CDK12: variants seen among roughly 807,000 people sequenced by gnomAD.
CDK12 encodes the protein cyclin dependent kinase 12, also known as cyclin-dependent kinase 12.
Under a neutral mutation model 133.8 loss-of-function variants are expected in CDK12, and 17 were observed. The ratio of observed to expected loss-of-function variants is 0.13; its 90% CI spans 0.09 to 0.19. CDK12 has a LOEUF of 0.19. Ranked by LOEUF, CDK12 falls within the 10% of genes least tolerant of loss-of-function variation. The pLI is 1.00. For synonymous variants in CDK12, 694 were observed against 683.6 expected, an observed-to-expected ratio of 1.02 and a Z score of -0.24; for missense variants, 1,508 against 1,818.7, an observed-to-expected ratio of 0.83 and a Z score of 3.11.
intron 2 of CDK12, among the ~76,000 whole-genome samples, chr17:39,554,137 C>G (rs1197473876): frequency 6.6e-6 from 1 of 152,148 alleles, no homozygotes; most frequent in African/African-American, 2.4e-5. Flanking sequence ...AGAGGGGTTT[C>G]TAGGCAAACA....
chr17:39,536,047 A>G (rs2055120171), downstream of CDK12, among the ~76,000 whole-genome samples: 1 of 152,136 alleles, frequency 6.6e-6, no homozygotes, highest in Non-Finnish European at 1.5e-5. Flanking sequence ...GAACACCTCC[A>G]GTGTTCCTAA....
chr17:39,481,102 A>G (rs1166021279), intron 2 of CDK12, among the ~76,000 whole-genome samples: 1 of 151,900 alleles, frequency 6.6e-6, no homozygotes, highest in Non-Finnish European at 1.5e-5. Flanking sequence ...AAAAGTACAA[A>G]ATAAGCAGGG....
In CDK12 at chr17:39,490,624, A is replaced by C; in HGVS notation, c.1999A>C (p.Thr667Pro). The change falls in exon 3 of 14, where the codon ACA (threonine) becomes CCA (proline). Residue 667 changes from threonine (T) to proline (P), a missense_variant. Around this residue, in one of 9 missense-constraint regions of CDK12, gnomAD observed 347 missense variants for 330.8 expected, o/e 1.05. Transcript: ENST00000447079. ...GGAACAGAGGACACGTCACTTACTC[A>C]CAGACCTTCCTCTCCCTCCAGAGCT... ...EKEQRTRHLL[T>P]DLPLPPELPG... 1 of 1,613,720 alleles carries C rather than the reference A, an allele frequency of 6.2e-7. No homozygotes were observed. Among genetic ancestry groups the C allele is most frequent in the Non-Finnish European group, 8.5e-7 (1 of 1,179,720 alleles).
chr17:39,479,029 C>T (rs1007750116), intron 2 of CDK12, among the ~76,000 whole-genome samples: 1 of 151,966 alleles, frequency 6.6e-6, no homozygotes, highest in Non-Finnish European at 1.5e-5. Context: ...AATCTAATGG[C>T]CGGGTGCGGT....
At chr17:39,485,491 A>G (rs2051050464) in intron 2 of CDK12, among the ~76,000 whole-genome samples, 1 of 146,688 alleles carries the variant, frequency 6.8e-6, no homozygotes, top group Non-Finnish European at 1.5e-5. Flanking sequence ...TCAGCTCACT[A>G]ATCTCCACCT....
At chr17:39,480,788 A>G (rs111930265) in intron 2 of CDK12, among the ~76,000 whole-genome samples, 3 of 152,240 alleles carry the variant, frequency 2.0e-5, no homozygotes, top group African/African-American at 7.2e-5. Context: ...TATCAAATGC[A>G]AGAGTGAATT....
intron 2 of CDK12, among the ~76,000 whole-genome samples, chr17:39,475,570 C>T (rs549428386): frequency 6.8e-4 from 96 of 141,812 alleles, no homozygotes; most frequent in Admixed American, 1.4e-3. Flanking sequence ...TTTTTTGAGA[C>T]GGTGTCTCAC....
chr17:39,490,798 C>T (rs929760197), intron 3 of CDK12, 65 bp downstream of exon 3: 1 of 1,249,482 alleles, frequency 8.0e-7, no homozygotes, highest in Non-Finnish European at 1.1e-6. Context: ...CTAAATCTCT[C>T]ATGTTTCTTC....
intron 2 of CDK12, among the ~76,000 whole-genome samples, chr17:39,473,760 C>T (rs983363436): frequency 6.6e-6 from 1 of 152,026 alleles, no homozygotes; most frequent in Non-Finnish European, 1.5e-5. Context: ...TGGCGGTTGC[C>T]TATAGTCCCA....
chr17:39,514,192 G>A (rs1490198573), intron 8 of CDK12, among the ~76,000 whole-genome samples: 1 of 152,002 alleles, frequency 6.6e-6, no homozygotes, highest in African/African-American at 2.4e-5. Context: ...CACTGAGCCT[G>A]GCCTAAATTT....
At chr17:39,544,138 A>G, upstream of CDK12, 2 of 465,370 alleles carry the variant, frequency 4.3e-6, no homozygotes, top group South Asian at 3.1e-5. Flanking sequence ...TGCTAACATC[A>G]CCGTCACTGT....
rs1166750395 is a variant in CDK12, at chr17:39,533,273, G to C, written c.*1957G>C. On this transcript the variant is annotated 3_prime_UTR_variant, in exon 14 of 14. Transcript: ENST00000447079. The stretch of plus-strand genomic sequence containing the variant: ...GCCTTCTAGCTATTTTGGCATTGAT[G>C]GCTTTTTATACCAGTGTGTCCAGTT... The C allele has an allele frequency of 4.3e-6, 1 of 232,924 alleles. No homozygotes were observed. Among genetic ancestry groups the C allele is most frequent in the African/African-American group, 2.2e-5 (1 of 45,318 alleles). The allele number at this position is 232,924 out of a possible 1,614,324, so 14.4% of individuals were successfully genotyped here.
intron 13 of CDK12, 59 bp from the exon 14 acceptor site, chr17:39,530,543 TTG>T: frequency 6.6e-7 from 1 of 1,515,988 alleles, no homozygotes; most frequent in Non-Finnish European, 8.8e-7. Flanking sequence ...GTGTGTGTGT[TTG>T]TGTTTATAAT....
intron 11 of CDK12, among the ~76,000 whole-genome samples, chr17:39,521,151 T>C (rs879258301): frequency 6.6e-6 from 1 of 151,788 alleles, no homozygotes; most frequent in Non-Finnish European, 1.5e-5. Flanking sequence ...GGCCATTTTT[T>C]TGTATTTTTA....
At chr17:39,464,800 A>C (rs34257685) in intron 1 of CDK12, among the ~76,000 whole-genome samples, 91,531 of 151,282 alleles carry the variant, frequency 0.61, 31,363 homozygotes, top group South Asian at 0.88. Context: ...AAAAAAAAAA[A>C]AATTAGCTGG....
chr17:39,543,005 T>A (rs2055502635), upstream of CDK12, among the ~76,000 whole-genome samples: 1 of 152,168 alleles, frequency 6.6e-6, no homozygotes, highest in Non-Finnish European at 1.5e-5. Flanking sequence ...AGAGGCAATG[T>A]GAGGAATTCA....
At chr17:39,495,384 G>GTTT (rs60185847) in intron 5 of CDK12, among the ~76,000 whole-genome samples, 10 of 110,678 alleles carry the variant, frequency 9.0e-5, no homozygotes, top group Non-Finnish European at 1.6e-4. Context: ...GGCCTCATGT[G>GTTT]TTTTTTTTTT....
In CDK12 at chr17:39,462,585, A is replaced by T. The variant is rs1019981847; in HGVS notation, c.514A>T (p.Lys172Ter). The change falls in exon 1 of 14, where the codon AAG becomes TAG. Residue 172 changes from lysine (K) to a stop codon, truncating the protein, a stop_gained. Transcript: ENST00000447079. LOFTEE classifies it high-confidence loss of function. The part of the protein sequence containing the change: ...GKAQVAKSSS[K>*]ESRSSKLHKE... ...GGCGCAGGTAGCCAAAAGCAGCAGCAAGGAATCCAGGTCATCCAAGCTCCA... is the reference window on the plus strand; with the variant it reads ...GGCGCAGGTAGCCAAAAGCAGCAGCTAGGAATCCAGGTCATCCAAGCTCCA... 1 of 1,614,076 alleles carries T rather than the reference A, an allele frequency of 6.2e-7. No individual in the cohort carries two copies. Among genetic ancestry groups the T allele is most frequent in the Admixed American group, 1.7e-5 (1 of 59,988 alleles).
At chr17:39,552,486 T>C (rs2055992905) in intron 2 of CDK12, among the ~76,000 whole-genome samples, 1 of 152,232 alleles carries the variant, frequency 6.6e-6, no homozygotes, top group African/African-American at 2.4e-5. Context: ...AGAGCTGCTG[T>C]TTCTACTCTG....
Sources: allele counts gnomAD v4.1 joint callset (sites outside exome capture counted in the v4.1 genomes callset), GRCh38; gene constraint gnomAD v4.1.1; regional missense constraint gnomAD v4.1.1; transcripts MANE v1.5; gene names NCBI Gene and HGNC (gene_info 2026-07-23, HGNC 2026-07-21).